ADAMTS19: variants seen among roughly 807,000 people sequenced by gnomAD.
ADAMTS19 encodes ADAM metallopeptidase with thrombospondin type 1 motif 19.
In ADAMTS19, 93 loss-of-function variants were observed where a neutral mutation model predicts 153.3. That is an observed-to-expected ratio of 0.61 (90% CI 0.51 to 0.72). The LOEUF (loss-of-function observed/expected upper bound fraction) is 0.72. Ranked by LOEUF, ADAMTS19 falls within the 30% of genes least tolerant of loss-of-function variation. The pLI, the probability that ADAMTS19 is intolerant of heterozygous loss-of-function variation, is 0.00. For missense variants in ADAMTS19, 1,482 were observed against 1,552.1 expected (o/e 0.95, Z 0.76); for synonymous variants, 600 against 556.6 (o/e 1.08, Z -1.10).
intron 7 of ADAMTS19, among the ~76,000 whole-genome samples, chr5:129,555,944 T>G (rs55900607): frequency 0.067 from 10,154 of 152,226 alleles, 581 homozygotes; most frequent in African/African-American, 0.16. Context: ...AATAGAATAT[T>G]GTGCTCATTC....
At chr5:129,586,731 T>C (rs1749819288) in intron 7 of ADAMTS19, among the ~76,000 whole-genome samples, 1 of 152,198 alleles carries the variant, frequency 6.6e-6, no homozygotes, top group Non-Finnish European at 1.5e-5. Flanking sequence ...ATTGCCAAAC[T>C]ACCTTCCAAT....
Position 129,596,747 on chromosome 5 carries a change from A to G in ADAMTS19, c.1478+83A>G, listed in dbSNP as rs1750398969. 2.9e-6 allele frequency: 3 copies of G among 1,037,882 alleles called. No individual in the cohort carries two copies. In the Admixed American group the frequency reaches 7.8e-5, roughly 27 times the overall value. The allele number at this position is 1,037,882 out of a possible 1,614,324, so 64.3% of individuals were successfully genotyped here. ...TACTGAATTACCTGGATATCTTCTG[A>G]TTTTTAATTTGGGCTTCAAGTTTTT... On this transcript the variant is annotated intron_variant, in intron 8 of 22. Coordinates refer to ENST00000274487, the MANE Select transcript of ADAMTS19 (RefSeq NM_133638.6).
intron 10 of ADAMTS19, 56 bp downstream of exon 10, chr5:129,622,404 G>C: frequency 6.4e-7 from 1 of 1,574,324 alleles, no homozygotes. Context: ...AGTATTGATT[G>C]GTAGGAGAAG....
intron 6 of ADAMTS19, 100 bp downstream of exon 6, chr5:129,528,777 G>C: frequency 2.0e-6 from 2 of 1,005,972 alleles, no homozygotes; most frequent in Non-Finnish European, 2.8e-6. Flanking sequence ...TTCAGATTTC[G>C]TGTTTCAAGA....
intron 7 of ADAMTS19, among the ~76,000 whole-genome samples, chr5:129,560,054 A>C (rs912057527): frequency 6.6e-6 from 1 of 152,192 alleles, no homozygotes; most frequent in Non-Finnish European, 1.5e-5. Flanking sequence ...AAAATGTCTT[A>C]ATTTTACTTC....
Position 129,460,344 on chromosome 5 carries a change from C to G in ADAMTS19, c.-48C>G. On this transcript the variant is annotated 5_prime_UTR_variant, in exon 1 of 23. Transcript: ENST00000274487. ...GGCCGCTGCGCCCCGGAGTGGATCG[C>G]GCTGGAGGCGTGCGCCGGGCGAGAA... 1 of 1,540,916 alleles carries G rather than the reference C, an allele frequency of 6.5e-7. No individual in the cohort carries two copies. The highest frequency in any genetic ancestry group is 1.1e-5 in the South Asian group (1 of 89,718).
chr5:129,584,467 C>T (rs539309586), intron 7 of ADAMTS19, among the ~76,000 whole-genome samples: 43 of 152,268 alleles, frequency 2.8e-4, no homozygotes, highest in Admixed American at 1.2e-3. Context: ...CAGGCAGGAA[C>T]AATTAAGTCT....
At chr5:129,534,523 T>A (rs374952541) in intron 6 of ADAMTS19, among the ~76,000 whole-genome samples, 1 of 152,022 alleles carries the variant, frequency 6.6e-6, no homozygotes, top group Non-Finnish European at 1.5e-5. Context: ...ATTCCTTCTG[T>A]AACTATTCCA....
chr5:129,549,728 C>T (rs922649606), intron 6 of ADAMTS19, among the ~76,000 whole-genome samples: 1 of 150,672 alleles, frequency 6.6e-6, no homozygotes, highest in Non-Finnish European at 1.5e-5. Context: ...TATGGAACTG[C>T]ACTCCAAAAA....
At position 129,738,060 on chromosome 5, in the gene ADAMTS19, T is replaced by C. The variant is rs1362585570; in HGVS notation, c.*842T>C. On this transcript the variant is annotated 3_prime_UTR_variant, in exon 23 of 23. Coordinates refer to ENST00000274487, the MANE Select transcript of ADAMTS19 (RefSeq NM_133638.6). ...GATCCACCCATTTCCCTGTATCTTT[T>C]TAGCAGATTTATTAAAGAGTATAGT... 1 of 152,488 alleles carries C rather than the reference T, an allele frequency of 6.6e-6. No homozygotes were observed. The highest frequency in any genetic ancestry group is 2.4e-5 in the African/African-American group (1 of 41,436). The allele number at this position is 152,488 out of a possible 1,614,324, so 9.4% of individuals were successfully genotyped here.
intron 3 of ADAMTS19, among the ~76,000 whole-genome samples, chr5:129,511,017 A>C (rs1031285416): frequency 1.3e-5 from 2 of 151,824 alleles, no homozygotes; most frequent in East Asian, 3.9e-4. Context: ...CAGAATTTTA[A>C]AAATCATTTA....
intron 2 of ADAMTS19, among the ~76,000 whole-genome samples, chr5:129,483,051 A>G (rs1750468623): frequency 6.6e-6 from 1 of 152,196 alleles, no homozygotes; most frequent in Non-Finnish European, 1.5e-5. Context: ...AGATCTTTAT[A>G]CAGCTTGAAT....
At chr5:129,528,123 T>C (rs1280375533) in intron 5 of ADAMTS19, among the ~76,000 whole-genome samples, 1 of 151,998 alleles carries the variant, frequency 6.6e-6, no homozygotes, top group East Asian at 1.9e-4. Flanking sequence ...TGTCTACTTT[T>C]AACACTTTTT....
intron 2 of ADAMTS19, among the ~76,000 whole-genome samples, chr5:129,493,163 T>C (rs1382368506): frequency 2.0e-5 from 3 of 152,140 alleles, no homozygotes; most frequent in Non-Finnish European, 4.4e-5. Flanking sequence ...AGGGCACTGA[T>C]TTAATGAGTC....
intron 16 of ADAMTS19, among the ~76,000 whole-genome samples, chr5:129,675,730 A>T (rs988122185): frequency 6.6e-6 from 1 of 152,156 alleles, no homozygotes; most frequent in Non-Finnish European, 1.5e-5. Context: ...CATACTTACA[A>T]TAGCTCTTCA....
chr5:129,673,864 A>C (rs1306912323), intron 16 of ADAMTS19, among the ~76,000 whole-genome samples: 1 of 152,252 alleles, frequency 6.6e-6, no homozygotes, highest in Non-Finnish European at 1.5e-5. Flanking sequence ...ATTTTAATGT[A>C]AATGACCTTT....
At chr5:129,476,113 T>G (rs1339576942) in intron 2 of ADAMTS19, among the ~76,000 whole-genome samples, 2 of 151,968 alleles carry the variant, frequency 1.3e-5, no homozygotes, top group East Asian at 3.9e-4. Flanking sequence ...ATTTGAACCC[T>G]GACCCTAACA....
At chr5:129,553,830 A>G (rs2126827427) in intron 7 of ADAMTS19, among the ~76,000 whole-genome samples, 1 of 152,122 alleles carries the variant, frequency 6.6e-6, no homozygotes, top group Admixed American at 6.6e-5. Context: ...TTTCACCCAA[A>G]CCCCACAAAA....
intron 7 of ADAMTS19, among the ~76,000 whole-genome samples, chr5:129,588,703 T>G (rs1749944503): frequency 6.6e-6 from 1 of 151,758 alleles, no homozygotes; most frequent in Non-Finnish European, 1.5e-5. Context: ...TTGTAAAATA[T>G]TAATATTGTG....
Sources: gnomAD v4.1 joint callset for allele counts (sites outside exome capture counted in the v4.1 genomes callset) on GRCh38, gnomAD v4.1.1 for gene constraint, MANE v1.5 for transcripts, NCBI Gene and HGNC (gene_info 2026-07-23, HGNC 2026-07-21) for gene names.